FHIT: variants seen among roughly 807,000 people sequenced by gnomAD.
FHIT encodes bis(5'-adenosyl)-triphosphatase.
A neutral mutation model predicts 17.9 loss-of-function variants in FHIT; 19 were observed. That is an observed-to-expected ratio of 1.06 (90% CI 0.74 to 1.56). The LOEUF (loss-of-function observed/expected upper bound fraction) is 1.56. FHIT is among the 40% of genes most tolerant of loss of function. The pLI, the probability that FHIT is intolerant of heterozygous loss-of-function variation, is 0.00. For synonymous variants in FHIT, 81 were observed against 69.7 expected (o/e 1.16, Z -0.81); for missense variants, 248 against 189.2 (o/e 1.31, Z -1.82).
chr3:60,712,971 T>A (rs2041579779), intron 4 of FHIT, among the ~76,000 whole-genome samples: 1 of 150,726 alleles, frequency 6.6e-6, no homozygotes, highest in Admixed American at 6.6e-5. Flanking sequence ...CAACAGAATA[T>A]ACATTCTTTT....
intron 8 of FHIT, among the ~76,000 whole-genome samples, chr3:59,859,410 C>T (rs1702313580): frequency 6.6e-6 from 1 of 152,128 alleles, no homozygotes; most frequent in East Asian, 1.9e-4. Flanking sequence ...AAACACGAGA[C>T]AGGGAAAGAA....
At chr3:61,077,411 C>T (rs1197797614) in intron 2 of FHIT, among the ~76,000 whole-genome samples, 19 of 151,474 alleles carry the variant, frequency 1.3e-4, no homozygotes, top group Non-Finnish European at 5.9e-5. Flanking sequence ...GAACTAAAGT[C>T]AAAAAGGTAA....
At chr3:60,243,975 T>C (rs374561297) in intron 5 of FHIT, among the ~76,000 whole-genome samples, 1 of 152,056 alleles carries the variant, frequency 6.6e-6, no homozygotes, top group Non-Finnish European at 1.5e-5. Flanking sequence ...CTCGGTTAAA[T>C]GGTTTGTATA....
intron 3 of FHIT, among the ~76,000 whole-genome samples, chr3:60,955,067 C>T (rs1319468902): frequency 6.6e-6 from 1 of 152,170 alleles, no homozygotes; most frequent in Non-Finnish European, 1.5e-5. Flanking sequence ...TTTAAAGTCA[C>T]ATCTCTGAAT....
intron 3 of FHIT, among the ~76,000 whole-genome samples, chr3:60,831,500 A>G (rs1702324055): frequency 3.3e-5 from 5 of 152,158 alleles, no homozygotes; most frequent in Non-Finnish European, 7.3e-5. Context: ...GATGAATAAA[A>G]ACTAACCAAT....
chr3:60,986,132 A>G (rs541913610), intron 3 of FHIT, among the ~76,000 whole-genome samples: 2 of 152,320 alleles, frequency 1.3e-5, no homozygotes, highest in South Asian at 4.1e-4. Context: ...CTTTTGCCAT[A>G]AGAGGTAACT....
chr3:59,872,491 A>G (rs1445754591), intron 8 of FHIT, among the ~76,000 whole-genome samples: 1 of 152,236 alleles, frequency 6.6e-6, no homozygotes, highest in East Asian at 1.9e-4. Flanking sequence ...AATTCACTGC[A>G]TAATTGAATC....
At chr3:59,906,661 T>C (rs892351386) in intron 8 of FHIT, among the ~76,000 whole-genome samples, 1 of 152,240 alleles carries the variant, frequency 6.6e-6, no homozygotes, top group African/African-American at 2.4e-5. Flanking sequence ...TGATTAATTA[T>C]TCTCTTAAAA....
chr3:60,487,742 A>G (rs394509), intron 5 of FHIT, among the ~76,000 whole-genome samples: 36,841 of 152,068 alleles, frequency 0.24, 5,204 homozygotes, highest in East Asian at 0.48. Flanking sequence ...ACAAAATAGT[A>G]AGTCCTGAGT....
In FHIT at chr3:60,449,733, G is replaced by T. The variant is rs899818002; in HGVS notation, c.103+87127C>A. Among the ~76,000 whole-genome samples, 6 of 152,056 alleles carry T rather than the reference G, an allele frequency of 3.9e-5. 1 individual carries two copies. The highest frequency in any genetic ancestry group is 6.6e-5 in the Admixed American group (1 of 15,256). ...ATATGGCACAAAAGGTAGCTGGCGTGGTGACTCAGGCCTGTAATCCCAGCA... is the reference window on the plus strand; with the variant it reads ...ATATGGCACAAAAGGTAGCTGGCGTTGTGACTCAGGCCTGTAATCCCAGCA... On this transcript the variant is annotated intron_variant, in intron 5 of 9. Transcript: ENST00000492590.
chr3:60,524,159 T>A (rs1031001156), intron 5 of FHIT, among the ~76,000 whole-genome samples: 7 of 149,340 alleles, frequency 4.7e-5, no homozygotes, highest in African/African-American at 1.8e-4. Flanking sequence ...CTGAGAATCA[T>A]CCCTGCCCTC....
chr3:60,086,595 T>C (rs1703503476), intron 5 of FHIT, among the ~76,000 whole-genome samples: 2 of 152,212 alleles, frequency 1.3e-5, no homozygotes. Context: ...AACAGTCCCA[T>C]TCCAAAAGGG....
At chr3:61,194,237 C>T (rs548885211) in intron 2 of FHIT, among the ~76,000 whole-genome samples, 3 of 151,992 alleles carry the variant, frequency 2.0e-5, no homozygotes, top group Non-Finnish European at 4.4e-5. Flanking sequence ...GTTTCTATGA[C>T]CCACCTTAGG....
chr3:60,804,267 G>T (rs1159463530), intron 4 of FHIT, among the ~76,000 whole-genome samples: 1 of 152,176 alleles, frequency 6.6e-6, no homozygotes, highest in Non-Finnish European at 1.5e-5. Flanking sequence ...ATAGGAGGCA[G>T]GGGCTCTGCT....
chr3:60,686,530 T>G (rs2040865847), intron 4 of FHIT, among the ~76,000 whole-genome samples: 1 of 148,022 alleles, frequency 6.8e-6, no homozygotes, highest in Non-Finnish European at 1.5e-5. Context: ...GAGGCTCTGG[T>G]TGCTTTTTTT....
In FHIT at chr3:60,901,660, T is replaced by C. The variant is rs148309043; in HGVS notation, c.-110-79649A>G. ...AACTAAGTATTACCCTCTGCTAACA[T>C]CTGATATCTTTGAAAGATTGTCTCT... is the stretch of plus-strand genomic sequence containing the variant. On this transcript the variant is annotated intron_variant, in intron 3 of 9. Coordinates refer to ENST00000492590, the MANE Select transcript of FHIT (RefSeq NM_002012.4). 4.9e-3 allele frequency among the ~76,000 whole-genome samples: 742 copies of C among 152,366 alleles called. 3 individuals carry two copies. The highest frequency in any genetic ancestry group is 8.4e-3 in the Non-Finnish European group (571 of 68,022).
chr3:60,980,755 G>A (rs1015792891), intron 3 of FHIT, among the ~76,000 whole-genome samples: 2 of 152,118 alleles, frequency 1.3e-5, no homozygotes, highest in African/African-American at 4.8e-5. Flanking sequence ...ATAAACTGTA[G>A]CCACCTGGTA....
Position 60,717,252 on chromosome 3 carries a change from T to A in FHIT, c.-18+104667A>T, listed in dbSNP as rs192041009. On this transcript the variant is annotated intron_variant, in intron 4 of 9. Coordinates refer to ENST00000492590, the MANE Select transcript of FHIT (RefSeq NM_002012.4). ...TATACAGCATAATAACTATAGTTAA[T>A]AATAATTTATACTTGAAAATTGGTA... 8.3e-4 allele frequency among the ~76,000 whole-genome samples: 127 copies of A among 152,250 alleles called. 1 individual carries two copies. In the East Asian group the frequency reaches 0.023, roughly 28 times the overall value.
At chr3:61,181,171 G>A (rs900140025) in intron 2 of FHIT, among the ~76,000 whole-genome samples, 3 of 152,026 alleles carry the variant, frequency 2.0e-5, no homozygotes, top group Admixed American at 6.6e-5. Flanking sequence ...CTTTGTCAAC[G>A]GAAAGAAGAA....
Sources: allele counts gnomAD v4.1 joint callset (sites outside exome capture counted in the v4.1 genomes callset), GRCh38; gene constraint gnomAD v4.1.1; transcripts MANE v1.5; gene names NCBI Gene and HGNC (gene_info 2026-07-23, HGNC 2026-07-21).